Variants in LATS1 observed in about 807,000 individuals in gnomAD.
The protein encoded by LATS1 is large tumor suppressor kinase 1, also known as serine/threonine-protein kinase LATS1.
In LATS1, 25 loss-of-function variants were observed where a neutral mutation model predicts 106.6. That is an observed-to-expected ratio of 0.23 (90% CI 0.17 to 0.33). The LOEUF (loss-of-function observed/expected upper bound fraction) is 0.33. LATS1 is among the 10% of genes least tolerant of loss of function. The pLI is 1.00. For missense variants in LATS1, 1,040 were observed against 1,382.6 expected, an observed-to-expected ratio of 0.75 and a Z score of 3.93; for synonymous variants, 465 against 455.6, an observed-to-expected ratio of 1.02 and a Z score of -0.26.
rs146582213 is a variant in LATS1, at chr6:149,680,058, G to A, written c.2410C>T (p.Leu804=). ...LIRMGIFPES[L]ARFYIAELTC... ...AGTTCTGCTATGTAGAATCGTGCCA[G>A]ACTTTCTGGAAAGATGCCCATTCTA... The change falls in exon 5 of 8, where the codon CTG becomes TTG. Residue 804 remains leucine (L), a synonymous_variant. Transcript: ENST00000543571. 1.2e-4 allele frequency: 199 copies of A among 1,613,890 alleles called. 1 individual carries two copies. In the African/African-American group the frequency reaches 2.3e-3, roughly 19 times the overall value.
intron 2 of LATS1, among the ~76,000 whole-genome samples, chr6:149,697,864 A>C (rs1396864480): frequency 6.6e-6 from 1 of 151,958 alleles, no homozygotes; most frequent in Non-Finnish European, 1.5e-5. Context: ...GCCTCCAGAG[A>C]AGCTGGCATT....
In LATS1 at chr6:149,659,709, C is replaced by T. The variant is rs567679360; in HGVS notation, c.*2020G>A. On this transcript the variant is annotated 3_prime_UTR_variant, in exon 8 of 8. Coordinates refer to ENST00000543571, the MANE Select transcript of LATS1 (RefSeq NM_004690.4). The stretch of plus-strand genomic sequence containing the variant: ...GAGGAATACCTTATAAATGTGACTA[C>T]CCACCTAAAAATTCTTGAACTACTT... 2.2e-5 allele frequency: 5 copies of T among 227,968 alleles called. No homozygotes were observed. Among genetic ancestry groups the T allele is most frequent in the Non-Finnish European group, 3.5e-5 (4 of 114,868 alleles). The allele number at this position is 227,968 out of a possible 1,614,324, so 14.1% of individuals were successfully genotyped here.
intron 7 of LATS1, among the ~76,000 whole-genome samples, chr6:149,664,025 G>C (rs1781017857): frequency 6.6e-6 from 1 of 151,954 alleles, no homozygotes; most frequent in African/African-American, 2.4e-5. Flanking sequence ...GGCCTGGCTG[G>C]TTTCAAACTC....
chr6:149,669,749 AC>A (rs1009444778), intron 7 of LATS1, among the ~76,000 whole-genome samples: 1 of 151,958 alleles, frequency 6.6e-6, no homozygotes, highest in Admixed American at 6.6e-5. Context: ...ACAGAGCAAG[AC>A]CTTGTCAAAA....
chr6:149,679,397 C>T (rs1371619996), intron 5 of LATS1, among the ~76,000 whole-genome samples: 1 of 151,542 alleles, frequency 6.6e-6, no homozygotes, highest in African/African-American at 2.4e-5. Context: ...ATTAAAAATA[C>T]AAAAATTAGC....
intron 5 of LATS1, 35 bp from the exon 6 acceptor site, chr6:149,676,772 A>T: frequency 6.4e-7 from 1 of 1,568,054 alleles, no homozygotes. Flanking sequence ...TAAAGTCAAC[A>T]ATGACAACAG....
chr6:149,661,208 C>G lies in LATS1; in HGVS notation c.*521G>C, dbSNP rs573126003. The stretch of plus-strand genomic sequence containing the variant: ...CCTTAGTTTCAGGATGTGAATTATA[C>G]AGATTATCATTAGCCTAGGAACACT... On this transcript the variant is annotated 3_prime_UTR_variant, in exon 8 of 8. Coordinates refer to ENST00000543571, the MANE Select transcript of LATS1 (RefSeq NM_004690.4). 3 of 228,112 alleles carry G rather than the reference C, an allele frequency of 1.3e-5. No individual in the cohort carries two copies. In the Middle Eastern group the frequency reaches 4.0e-3, roughly 303 times the overall value. 14.1% of individuals were successfully genotyped at this position (228,112 alleles called of 1,614,324 possible).
intron 6 of LATS1, 80 bp downstream of exon 6, chr6:149,676,475 C>T (rs752371916): frequency 7.1e-7 from 1 of 1,418,158 alleles, no homozygotes; most frequent in Non-Finnish European, 9.7e-7. Context: ...TATTATAAGC[C>T]TGAAAAATAA....
Position 149,683,359 on chromosome 6 carries a change from C to T in LATS1, c.1730G>A (p.Ser577Asn). ...NPSVPPYESISKPSKEDQPSL... is the reference protein window; with the variant it reads ...NPSVPPYESINKPSKEDQPSL... ...TGGCTGATCCTCTTTGCTAGGCTTACTGATTGACTCGTATGGAGGAACAGA... is the reference window on the plus strand; with the variant it reads ...TGGCTGATCCTCTTTGCTAGGCTTATTGATTGACTCGTATGGAGGAACAGA... Residue 577 changes from serine (S) to asparagine (N), a missense_variant, in exon 4 of 8, where the codon AGT (serine) becomes AAT (asparagine). Ser to Asn is a conservative substitution (Grantham distance 46, BLOSUM62 1). This residue lies in a region of LATS1 where 624 missense variants were observed against 714.8 expected (regional missense o/e 0.87). Coordinates refer to ENST00000543571, the MANE Select transcript of LATS1 (RefSeq NM_004690.4). 8 of 1,614,160 alleles carry T rather than the reference C, an allele frequency of 5.0e-6. No individual in the cohort carries two copies. The highest frequency in any genetic ancestry group is 6.8e-6 in the Non-Finnish European group (8 of 1,180,038).
chr6:149,709,332 C>T (rs1783960983), intron 1 of LATS1, among the ~76,000 whole-genome samples: 1 of 152,176 alleles, frequency 6.6e-6, no homozygotes, highest in Non-Finnish European at 1.5e-5. Context: ...CATAGTATCA[C>T]ATGACAGATG....
intron 2 of LATS1, among the ~76,000 whole-genome samples, chr6:149,700,397 C>T (rs892362673): frequency 1.3e-5 from 2 of 151,974 alleles, no homozygotes; most frequent in East Asian, 1.9e-4. Flanking sequence ...TGCTTGAACC[C>T]GGGAGGCAGA....
intron 1 of LATS1, among the ~76,000 whole-genome samples, chr6:149,710,092 C>G (rs2115008703): frequency 6.6e-6 from 1 of 152,260 alleles, no homozygotes; most frequent in East Asian, 1.9e-4. Flanking sequence ...GACCTGGAAG[C>G]CATCTGCTTC....
chr6:149,691,637 T>C lies in LATS1; in HGVS notation c.496+3437A>G, dbSNP rs1237505350. ...TTTCACCTATTTCTTCTCTGTCCCC[T>C]TTGCAGGTTTACCCCTTCCTACTAG... On this transcript the variant is annotated intron_variant, in intron 3 of 7. Transcript: ENST00000543571. 2.0e-5 allele frequency among the ~76,000 whole-genome samples: 3 copies of C among 152,180 alleles called. No homozygotes were observed. The East Asian group carries it at 5.8e-4, about 29-fold the overall frequency.
Position 149,683,641 on chromosome 6 carries a change from G to A in LATS1, c.1448C>T (p.Ala483Val), listed in dbSNP as rs932543539. 1 of 1,614,070 alleles carries A rather than the reference G, an allele frequency of 6.2e-7. No individual in the cohort carries two copies. The highest frequency in any genetic ancestry group is 1.3e-5 in the African/African-American group (1 of 74,936). The change falls in exon 4 of 8, where the codon GCT becomes GTT. Residue 483 changes from alanine to valine, a missense_variant. By Grantham distance (64) the Ala-to-Val change is moderately conservative (BLOSUM62 0). Transcript: ENST00000543571. ...ASHSANSQPS[A>V]TTVTAITPAP... is the part of the protein sequence containing the mutation. ...TGGTGTAATTGCAGTGACTGTTGTA[G>A]CAGAAGGCTGAGAATTAGCAGAGTG...
chr6:149,681,217 T>C (rs769346252), intron 4 of LATS1, among the ~76,000 whole-genome samples: 1 of 152,142 alleles, frequency 6.6e-6, no homozygotes, highest in Admixed American at 6.6e-5. Flanking sequence ...CTTCTAAGTA[T>C]TATAGATATG....
chr6:149,661,596 GAAAAT>G lies in LATS1; in HGVS notation c.*128_*132del. 1.6e-6 allele frequency: 1 copy of G among 635,662 alleles called. No homozygotes were observed. The allele number at this position is 635,662 out of a possible 1,614,324, so 39.4% of individuals were successfully genotyped here. On this transcript the variant is annotated 3_prime_UTR_variant, in exon 8 of 8. Transcript: ENST00000543571. Reference sequence around the variant, plus strand: ...TTTAAAAGGATTTCCCATAATTTAGGAAAATAAAATATTGTACACAGAGCACACAT... The same window carrying G: ...TTTAAAAGGATTTCCCATAATTTAGGAAAATATTGTACACAGAGCACACAT...
At chr6:149,699,474 TAA>T (rs899557971) in intron 2 of LATS1, among the ~76,000 whole-genome samples, 1 of 142,390 alleles carries the variant, frequency 7.0e-6, no homozygotes. Flanking sequence ...TACTTTTTAA[TAA>T]AAAAAAAAAA....
In LATS1 at chr6:149,695,128, G is replaced by C. The variant is rs761339008; in HGVS notation, c.442C>G (p.Arg148Gly). 4 of 1,613,048 alleles carry C rather than the reference G, an allele frequency of 2.5e-6. No homozygotes were observed. The South Asian group carries it at 3.3e-5, about 13-fold the overall frequency. Residue 148 changes from arginine to glycine, a missense_variant, in exon 3 of 8, where the codon CGA (arginine) becomes GGA (glycine). Coordinates refer to ENST00000543571, the MANE Select transcript of LATS1 (RefSeq NM_004690.4). ...ISKMSYQDPR[R>G]EQMAAAAARP... is the part of the protein sequence containing the mutation. ...GCAGCTGCTGCAGCCATCTGCTCTC[G>C]TCGAGGATCTTGGTAACTCATTTTA... is the stretch of plus-strand genomic sequence containing the variant.
intron 7 of LATS1, among the ~76,000 whole-genome samples, chr6:149,672,141 C>A (rs541398747): frequency 3.3e-5 from 5 of 151,664 alleles, no homozygotes; most frequent in African/African-American, 9.7e-5. Flanking sequence ...GATCCGCCCA[C>A]CTGACCTCCC....
Sources: gnomAD v4.1 joint callset for allele counts (sites outside exome capture counted in the v4.1 genomes callset) on GRCh38, gnomAD v4.1.1 for gene constraint, gnomAD v4.1.1 regional missense constraint, MANE v1.5 for transcripts, NCBI Gene and HGNC (gene_info 2026-07-23, HGNC 2026-07-21) for gene names.